Variants in TENM4 observed in about 807,000 individuals in gnomAD.
The protein encoded by TENM4 is teneurin-4.
TENM4 carries 82 observed loss-of-function variants against 243.3 expected under a neutral mutation model. That is an observed-to-expected ratio of 0.34 (90% CI 0.28 to 0.40). TENM4 has a LOEUF of 0.40. Among genes scored for constraint, TENM4 ranks in the 10% least tolerant of loss-of-function variants. TENM4 has a pLI of 1.00. For synonymous variants in TENM4, 1,412 were observed against 1,456.3 expected, an observed-to-expected ratio of 0.97 and a Z score of 0.69; for missense variants, 3,138 against 3,673.3, an observed-to-expected ratio of 0.85 and a Z score of 3.77.
chr11:78,969,267 G>C (rs796683381), intron 6 of TENM4, among the ~76,000 whole-genome samples: 22 of 152,316 alleles, frequency 1.4e-4, no homozygotes, highest in African/African-American at 5.1e-4. Flanking sequence ...TCAAAAAAAG[G>C]GGCAATGTGT....
At position 78,676,246 on chromosome 11, in the gene TENM4, G is replaced by A. The variant is rs370803896; in HGVS notation, c.5402C>T (p.Thr1801Met). The A allele has an allele frequency of 1.7e-5, 27 of 1,610,524 alleles. No homozygotes were observed. Among genetic ancestry groups the A allele is most frequent in the East Asian group, 2.2e-5 (1 of 44,784 alleles). ...VNPTVGKRNV[T>M]LPIDNGLNLV... ...GTTGAGGCCGTTGTCGATGGGCAGCGTGACATTCCTCTTGCCCACGGTGGG... is the reference window on the plus strand; with the variant it reads ...GTTGAGGCCGTTGTCGATGGGCAGCATGACATTCCTCTTGCCCACGGTGGG... The change falls in exon 30 of 34, where the codon ACG (threonine) becomes ATG (methionine). Residue 1801 changes from threonine to methionine, a missense_variant. This residue lies in a region of TENM4 where 2,467 missense variants were observed against 3,059.1 expected (regional missense o/e 0.81). Coordinates refer to ENST00000278550, the MANE Select transcript of TENM4 (RefSeq NM_001098816.3).
Position 78,893,735 on chromosome 11 carries a change from C to T in TENM4, c.750-2399G>A, listed in dbSNP as rs563899771. 6.9e-5 allele frequency among the ~76,000 whole-genome samples: 10 copies of T among 145,476 alleles called. No homozygotes were observed. In the East Asian group the frequency reaches 1.6e-3, roughly 23 times the overall value. Reference sequence around the variant, plus strand: ...TAAAATAGCTCCCAGCCCACTCTTCCCAATCACTCCCTGGCCCCTTGTACT... The same window carrying T: ...TAAAATAGCTCCCAGCCCACTCTTCTCAATCACTCCCTGGCCCCTTGTACT... On this transcript the variant is annotated intron_variant, in intron 7 of 33. Transcript: ENST00000278550.
At chr11:78,863,759 G>A (rs1049698589) in intron 9 of TENM4, among the ~76,000 whole-genome samples, 1 of 152,162 alleles carries the variant, frequency 6.6e-6, no homozygotes, top group Non-Finnish European at 1.5e-5. Context: ...CAAAATCTAT[G>A]GAGGGCAATT....
intron 2 of TENM4, among the ~76,000 whole-genome samples, chr11:79,295,851 C>T (rs506968): frequency 0.75 from 110,454 of 147,444 alleles, 41,323 homozygotes; most frequent in Middle Eastern, 0.9. Flanking sequence ...AAATTACACC[C>T]GTAAGTGTTT....
intron 1 of TENM4, among the ~76,000 whole-genome samples, chr11:79,329,974 G>A (rs1054439225): frequency 4.6e-5 from 7 of 152,230 alleles, no homozygotes; most frequent in Non-Finnish European, 1.0e-4. Flanking sequence ...GCTGAGAAGA[G>A]GGGAAAGTGG....
intron 28 of TENM4, among the ~76,000 whole-genome samples, chr11:78,697,656 C>G (rs77730051): frequency 2.0e-5 from 3 of 152,082 alleles, no homozygotes. Flanking sequence ...ATCTGTCAGC[C>G]GACTAGTTGG....
chr11:79,140,407 G>A (rs1454358868), intron 4 of TENM4, among the ~76,000 whole-genome samples: 1 of 152,078 alleles, frequency 6.6e-6, no homozygotes, highest in Non-Finnish European at 1.5e-5. Flanking sequence ...GAGTGGGTGG[G>A]GATGTGTCCT....
intron 19 of TENM4, among the ~76,000 whole-genome samples, chr11:78,755,041 T>C (rs1856275534): frequency 6.6e-6 from 1 of 152,244 alleles, no homozygotes; most frequent in Admixed American, 6.5e-5. Context: ...GTTCCAGCAG[T>C]GAGGACTTCT....
intron 4 of TENM4, among the ~76,000 whole-genome samples, chr11:79,088,995 T>A (rs1591273600): frequency 6.6e-6 from 1 of 152,296 alleles, no homozygotes; most frequent in East Asian, 1.9e-4. Context: ...CTGCCTCTCC[T>A]GCAGACCCAC....
intron 1 of TENM4, among the ~76,000 whole-genome samples, chr11:79,341,822 A>T (rs1195512517): frequency 2.6e-5 from 4 of 152,238 alleles, no homozygotes; most frequent in Non-Finnish European, 4.4e-5. Flanking sequence ...ATTCTCTATG[A>T]CATTTCCTTA....
intron 16 of TENM4, among the ~76,000 whole-genome samples, chr11:78,785,645 T>A (rs2136034188): frequency 6.6e-6 from 1 of 152,290 alleles, no homozygotes; most frequent in Middle Eastern, 3.4e-3. Flanking sequence ...CTCGGCACGT[T>A]GTGAATACTT....
At chr11:79,135,500 G>A (rs927712905) in intron 4 of TENM4, among the ~76,000 whole-genome samples, 1 of 151,916 alleles carries the variant, frequency 6.6e-6, no homozygotes. Flanking sequence ...CCACTAGTGG[G>A]TATCTACCCA....
intron 3 of TENM4, among the ~76,000 whole-genome samples, chr11:79,167,633 C>T (rs182114079): frequency 1.6e-4 from 24 of 152,290 alleles, no homozygotes; most frequent in Middle Eastern, 6.8e-3. Context: ...AGGTCCACTC[C>T]GACTGCCAGA....
At chr11:78,762,170 T>C (rs1444121471) in intron 18 of TENM4, among the ~76,000 whole-genome samples, 1 of 152,210 alleles carries the variant, frequency 6.6e-6, no homozygotes, top group Non-Finnish European at 1.5e-5. Context: ...TCAAACTTAC[T>C]TCATAGAGTT....
chr11:79,008,452 C>T (rs1452798149), intron 6 of TENM4, among the ~76,000 whole-genome samples: 1 of 152,146 alleles, frequency 6.6e-6, no homozygotes, highest in Non-Finnish European at 1.5e-5. Context: ...ATCATTCACA[C>T]AACACTATTA....
intron 2 of TENM4, among the ~76,000 whole-genome samples, chr11:79,271,242 C>T (rs1453045452): frequency 1.3e-5 from 2 of 152,148 alleles, no homozygotes; most frequent in African/African-American, 4.8e-5. Flanking sequence ...CCTGAGCCGC[C>T]CGATAAAGCT....
rs1856028196 is a variant in TENM4 at position 78,745,434 on chromosome 11, G to A, written c.2757-6864C>T. ...AGTAGAGACAGGGTTTTGCCATGTTGGCCAGGCTGGTCTTGAAACTCCTGG... is the reference window on the plus strand; with the variant it reads ...AGTAGAGACAGGGTTTTGCCATGTTAGCCAGGCTGGTCTTGAAACTCCTGG... On this transcript the variant is annotated intron_variant, in intron 19 of 33. Transcript: ENST00000278550. Among the ~76,000 whole-genome samples the A allele has an allele frequency of 4.0e-5, 6 of 151,802 alleles. No individual in the cohort carries two copies. The South Asian group carries it at 1.2e-3, about 32-fold the overall frequency.
Position 78,668,942 on chromosome 11 carries a change from A to G in TENM4, c.7403T>C (p.Met2468Thr), listed in dbSNP as rs751158811. The change falls in exon 32 of 34, where the codon ATG becomes ACG. Residue 2468 changes from methionine to threonine, a missense_variant. By Grantham distance (81) the Met-to-Thr change is moderately conservative. Around this residue, in one of 2 missense-constraint regions of TENM4, gnomAD observed 2,467 missense variants for 3,059.1 expected, o/e 0.81. Transcript: ENST00000278550. Reference protein sequence around the residue: ...ISNSQDIKCFMTDVNSWLLTF... With the variant: ...ISNSQDIKCFTTDVNSWLLTF... The stretch of plus-strand genomic sequence containing the variant: ...GAGTGAGCCGTGGTCCTTACCTGTC[A>G]TGAAGCACTTGATGTCCTGGGAGTT... The G allele has an allele frequency of 6.2e-7, 1 of 1,612,590 alleles. No individual in the cohort carries two copies. The highest frequency in any genetic ancestry group is 1.1e-5 in the South Asian group (1 of 90,998).
chr11:79,321,948 C>T (rs963372606), intron 1 of TENM4, among the ~76,000 whole-genome samples: 5 of 152,076 alleles, frequency 3.3e-5, no homozygotes, highest in Admixed American at 6.6e-5. Flanking sequence ...TGAGGATGTA[C>T]CATGTCTGGG....
Sources: allele counts gnomAD v4.1 joint callset (sites outside exome capture counted in the v4.1 genomes callset), GRCh38; gene constraint gnomAD v4.1.1; regional missense constraint gnomAD v4.1.1; transcripts MANE v1.5; gene names NCBI Gene and HGNC (gene_info 2026-07-23, HGNC 2026-07-21).